MGAT5B: variants seen among roughly 807,000 people sequenced by gnomAD.
MGAT5B encodes the protein alpha-1,6-mannosylglycoprotein 6-beta-N-acetylglucosaminyltransferase B.
Under a neutral mutation model 95.1 loss-of-function variants are expected in MGAT5B, and 54 were observed. The observed-to-expected ratio is 0.57, with a 90% CI of 0.46 to 0.71. MGAT5B has a LOEUF of 0.71. Among genes scored for constraint, MGAT5B ranks in the 30% least tolerant of loss-of-function variants. MGAT5B has a pLI of 0.00. For missense variants in MGAT5B, 935 were observed against 1,088.6 expected, an observed-to-expected ratio of 0.86 and a Z score of 1.99; for synonymous variants, 464 against 451.0, an observed-to-expected ratio of 1.03 and a Z score of -0.36.
rs772111243 is a variant in MGAT5B, at chr17:76,917,958, C to T, written c.1026-7008C>T. Among the ~76,000 whole-genome samples the T allele has an allele frequency of 8.5e-5, 13 of 152,114 alleles. No homozygotes were observed. The highest frequency in any genetic ancestry group is 1.6e-4 in the Non-Finnish European group (11 of 68,016). On this transcript the variant is annotated intron_variant, in intron 8 of 17. Transcript: ENST00000569840. The surrounding 1 kb of genome is among the most constrained non-coding windows in gnomAD (Gnocchi z 6.1). ...TGTAAGGAAGAGGACTGGGAACGACCGGAGGGCCGAGTTCCCGTTCCTCTT... is the reference window on the plus strand; with the variant it reads ...TGTAAGGAAGAGGACTGGGAACGACTGGAGGGCCGAGTTCCCGTTCCTCTT...
At chr17:76,887,512 T>C (rs1440441244) in intron 3 of MGAT5B, among the ~76,000 whole-genome samples, 3 of 62,968 alleles carry the variant, frequency 4.8e-5, no homozygotes. Context: ...TCTCCCTCCC[T>C]CCCTCCCTCC....
intron 3 of MGAT5B, chr17:76,882,642 C>A: frequency 5.3e-6 from 1 of 187,862 alleles, no homozygotes; most frequent in Non-Finnish European, 1.1e-5. Context: ...ATTATAAATT[C>A]ATAGTGTGTG....
At chr17:76,883,818 G>A (rs1967519784) in intron 3 of MGAT5B, among the ~76,000 whole-genome samples, 1 of 152,238 alleles carries the variant, frequency 6.6e-6, no homozygotes, top group Non-Finnish European at 1.5e-5. Context: ...TACGGAGTTG[G>A]GTGAAACAGA....
chr17:76,942,698 G>A (rs1300021432), intron 15 of MGAT5B, among the ~76,000 whole-genome samples: 1 of 152,016 alleles, frequency 6.6e-6, no homozygotes, highest in Non-Finnish European at 1.5e-5. Context: ...GAGTGAAGGG[G>A]GTTAACTGAT....
rs1474635675 is a variant in MGAT5B, at chr17:76,916,706, G to A, written c.1026-8260G>A. On this transcript the variant is annotated intron_variant, in intron 8 of 17. Transcript: ENST00000569840. The surrounding 1 kb of genome is among the most constrained non-coding windows in gnomAD (Gnocchi z 5.3). Reference sequence around the variant, plus strand: ...CTGACGGAGGCAGGATTCATCCCTGGGGAGGAGGCATCAGGGCCTCTGTGA... The same window carrying A: ...CTGACGGAGGCAGGATTCATCCCTGAGGAGGAGGCATCAGGGCCTCTGTGA... Among the ~76,000 whole-genome samples the A allele has an allele frequency of 6.6e-6, 1 of 152,188 alleles. No individual in the cohort carries two copies. Among genetic ancestry groups the A allele is most frequent in the East Asian group, 1.9e-4 (1 of 5,200 alleles).
rs939651154 is a variant in MGAT5B, at chr17:76,905,576, A to C, written c.855+243A>C. On this transcript the variant is annotated intron_variant, in intron 7 of 17. Transcript: ENST00000569840. This position sits in a 1 kb window ranked among gnomAD's most constrained non-coding sequence, Gnocchi z 4.2. Reference sequence around the variant, plus strand: ...CCTGCATTCTGTGTACATCTGGTTCATGTCAGGCAGAAAAGTCATGGTATT... The same window carrying C: ...CCTGCATTCTGTGTACATCTGGTTCCTGTCAGGCAGAAAAGTCATGGTATT... 6.6e-6 allele frequency among the ~76,000 whole-genome samples: 1 copy of C among 152,188 alleles called. No individual in the cohort carries two copies. The highest frequency in any genetic ancestry group is 2.4e-5 in the African/African-American group (1 of 41,448).
chr17:76,894,354 A>G (rs544327372), intron 3 of MGAT5B, among the ~76,000 whole-genome samples: 35 of 152,328 alleles, frequency 2.3e-4, no homozygotes, highest in African/African-American at 8.2e-4. Context: ...GATCTGTCCA[A>G]TGGGAGCATT....
chr17:76,881,339 C>T (rs1317140878), intron 2 of MGAT5B, among the ~76,000 whole-genome samples: 1 of 152,140 alleles, frequency 6.6e-6, no homozygotes, highest in African/African-American at 2.4e-5. Flanking sequence ...GCCGCCTCAG[C>T]CCCAGGGAAC....
intron 3 of MGAT5B, among the ~76,000 whole-genome samples, chr17:76,887,704 C>G (rs1967710785): frequency 6.6e-6 from 1 of 151,302 alleles, no homozygotes. Context: ...CAGGCGTGCA[C>G]CACCATGCCC....
intron 2 of MGAT5B, among the ~76,000 whole-genome samples, chr17:76,879,697 C>G (rs1452895567): frequency 2.0e-5 from 3 of 152,214 alleles, no homozygotes; most frequent in Admixed American, 6.5e-5. Context: ...TCTTCATCTA[C>G]TCTGTGCTAC....
Position 76,930,496 on chromosome 17 carries a change from C to T in MGAT5B, c.1292-2149C>T, listed in dbSNP as rs1278897789. On this transcript the variant is annotated intron_variant, in intron 10 of 17. Transcript: ENST00000569840. This position sits in a 1 kb window ranked among gnomAD's most constrained non-coding sequence, Gnocchi z 4.1. ...CTCACTCACCATAGCCCCTTCCGTG[C>T]GGGAAGGTAGATTAAATATCCTTGG... Among the ~76,000 whole-genome samples the T allele has an allele frequency of 1.3e-5, 2 of 152,232 alleles. No homozygotes were observed. Among genetic ancestry groups the T allele is most frequent in the Admixed American group, 6.5e-5 (1 of 15,300 alleles).
At chr17:76,946,146 G>T in intron 15 of MGAT5B, 1 of 481,252 alleles carries the variant, frequency 2.1e-6, no homozygotes, top group Non-Finnish European at 3.7e-6. Flanking sequence ...GGAGGGATGA[G>T]GCTGGGCCTT....
chr17:76,919,402 G>T (rs907798115), intron 8 of MGAT5B, among the ~76,000 whole-genome samples: 1 of 152,178 alleles, frequency 6.6e-6, no homozygotes, highest in Non-Finnish European at 1.5e-5. Context: ...AGCCAGGAAT[G>T]TGAATGGGTT....
At chr17:76,888,406 G>T (rs1162665975) in intron 3 of MGAT5B, among the ~76,000 whole-genome samples, 1 of 152,126 alleles carries the variant, frequency 6.6e-6, no homozygotes, top group African/African-American at 2.4e-5. Context: ...GTTTCCAGCC[G>T]TGTGCACTCA....
rs75559291 is a variant in MGAT5B, at chr17:76,917,663, G to C, written c.1026-7303G>C. 1.3e-5 allele frequency among the ~76,000 whole-genome samples: 2 copies of C among 152,072 alleles called. No homozygotes were observed. The highest frequency in any genetic ancestry group is 2.9e-5 in the Non-Finnish European group (2 of 68,016). ...CCCTCATCTCCCACTGAGACTGCTC[G>C]AGTGGGATTGACAGCGGAGTCTTAC... On this transcript the variant is annotated intron_variant, in intron 8 of 17. Coordinates refer to ENST00000569840, the MANE Select transcript of MGAT5B (RefSeq NM_001199172.2). The surrounding 1 kb of genome is among the most constrained non-coding windows in gnomAD (Gnocchi z 6.1).
intron 12 of MGAT5B, 91 bp from the exon 13 acceptor site, chr17:76,937,897 C>A: frequency 6.6e-7 from 1 of 1,507,842 alleles, no homozygotes; most frequent in Non-Finnish European, 9.1e-7. Flanking sequence ...GGGTCCACAT[C>A]TTCTGACTTC....
At chr17:76,936,480 T>G (rs539599582) in intron 12 of MGAT5B, among the ~76,000 whole-genome samples, 101 of 152,198 alleles carry the variant, frequency 6.6e-4, no homozygotes, top group Non-Finnish European at 1.1e-3. Flanking sequence ...GTGTTTTCTT[T>G]TAGGGATTGT....
chr17:76,892,034 A>C (rs546968881), intron 3 of MGAT5B, among the ~76,000 whole-genome samples: 5 of 152,120 alleles, frequency 3.3e-5, no homozygotes, highest in Admixed American at 3.3e-4. Context: ...CTGGTATGGT[A>C]TCAGGGCCAG....
chr17:76,946,913 A>C (rs1970048387), intron 16 of MGAT5B, among the ~76,000 whole-genome samples: 2 of 152,208 alleles, frequency 1.3e-5, no homozygotes, highest in Admixed American at 1.3e-4. Flanking sequence ...CGGCCACCTC[A>C]GCCCCCGAGG....
Sources: allele counts gnomAD v4.1 joint callset (sites outside exome capture counted in the v4.1 genomes callset), GRCh38; gene constraint gnomAD v4.1.1; non-coding constraint Gnocchi (gnomAD v3.1); transcripts MANE v1.5; gene names NCBI Gene and HGNC (gene_info 2026-07-23, HGNC 2026-07-21).